The following ICE2 variants were observed in gnomAD, a reference collection of about 807,000 sequenced individuals.
The protein encoded by ICE2 is interactor of little elongation complex ELL subunit 2.
A neutral mutation model predicts 105.4 loss-of-function variants in ICE2; 87 were observed. The ratio of observed to expected loss-of-function variants is 0.83; its 90% CI spans 0.69 to 0.99. The LOEUF is 0.99. Among genes scored for constraint, ICE2 ranks in the 50% least tolerant of loss-of-function variants. ICE2 has a pLI of 0.00. For synonymous variants in ICE2, 399 were observed against 392.0 expected, an observed-to-expected ratio of 1.02 and a Z score of -0.21; for missense variants, 1,323 against 1,146.7, an observed-to-expected ratio of 1.15 and a Z score of -2.22.
At chr15:60,427,862 T>C (rs1254895244) in intron 15 of ICE2, among the ~76,000 whole-genome samples, 1 of 152,244 alleles carries the variant, frequency 6.6e-6, no homozygotes, top group Non-Finnish European at 1.5e-5. Context: ...GCAAGGGTTC[T>C]ATAAAGAGAG....
chr15:60,436,935 T>G (rs1396363635), intron 12 of ICE2, among the ~76,000 whole-genome samples: 1 of 152,044 alleles, frequency 6.6e-6, no homozygotes, highest in Admixed American at 6.6e-5. Context: ...AGGTAAAAAT[T>G]AGATTATGAA....
intron 2 of ICE2, 68 bp downstream of exon 2, chr15:60,477,869 T>C: frequency 1.5e-6 from 2 of 1,344,794 alleles, no homozygotes; most frequent in East Asian, 4.6e-5. Context: ...CAGAAATCTA[T>C]TTTCTTATGT....
intron 3 of ICE2, 58 bp from the exon 4 acceptor site, chr15:60,468,380 G>A (rs1163516114): frequency 1.5e-6 from 2 of 1,301,706 alleles, no homozygotes; most frequent in East Asian, 2.3e-5. Flanking sequence ...TTACTATCAT[G>A]GAACTTCATG....
Position 60,442,212 on chromosome 15 carries a change from G to A in ICE2, c.2425+204C>T, listed in dbSNP as rs185374846. ...GAAGGCTGCAGTGGGAGGATCACTT[G>A]AGGCCAGGAGTTTGAGGTTACAGTG... On this transcript the variant is annotated intron_variant, in intron 12 of 15. Transcript: ENST00000261520. The A allele has an allele frequency of 8.6e-4, 376 of 435,788 alleles. 3 individuals carry two copies. In the Admixed American group the frequency reaches 0.01, roughly 12 times the overall value. The allele number at this position is 435,788 out of a possible 1,614,324, so 27.0% of individuals were successfully genotyped here. A position where few individuals can be genotyped will look rare whatever the true frequency, so the allele number is the denominator to read the frequency against.
intron 3 of ICE2, among the ~76,000 whole-genome samples, chr15:60,469,624 A>G (rs2064532961): frequency 6.6e-6 from 1 of 152,192 alleles, no homozygotes; most frequent in African/African-American, 2.4e-5. Flanking sequence ...TTCAAAGATC[A>G]AGTATAACTA....
At position 60,423,782 on chromosome 15, in the gene ICE2, A is replaced by G; in HGVS notation, c.2821-20T>C. On this transcript the variant is annotated intron_variant, in intron 15 of 15. Transcript: ENST00000261520. The stretch of plus-strand genomic sequence containing the variant: ...ACCAATCTAAGAGATGAAGCAGAGA[A>G]CAGAATAGCTTAATGTATCTACAAC... 1 of 1,560,596 alleles carries G rather than the reference A, an allele frequency of 6.4e-7. No homozygotes were observed. The highest frequency in any genetic ancestry group is 1.2e-5 in the South Asian group (1 of 80,536).
At chr15:60,424,417 A>T (rs2063295183) in intron 15 of ICE2, among the ~76,000 whole-genome samples, 2 of 151,480 alleles carry the variant, frequency 1.3e-5, no homozygotes, top group South Asian at 4.2e-4. Context: ...GGGAATACAG[A>T]GGATGGGGGA....
rs972287356 is a variant in ICE2, at chr15:60,428,634, A to G, written c.2615T>C (p.Leu872Pro). The G allele has an allele frequency of 6.2e-7, 1 of 1,614,162 alleles. No homozygotes were observed. The highest frequency in any genetic ancestry group is 8.5e-7 in the Non-Finnish European group (1 of 1,180,000). Reference sequence around the variant, plus strand: ...TTTTCCATCAGAGGCCTTATAAATCAGGAGTGAAGAATCTTCTGCTGCATG... The same window carrying G: ...TTTTCCATCAGAGGCCTTATAAATCGGGAGTGAAGAATCTTCTGCTGCATG... Reference protein sequence around the residue: ...LSHAAEDSSLLIYKASDGKVT... With the variant: ...LSHAAEDSSLPIYKASDGKVT... Residue 872 changes from leucine to proline, a missense_variant, in exon 15 of 16, where the codon CTG (leucine) becomes CCG (proline). Coordinates refer to ENST00000261520, the MANE Select transcript of ICE2 (RefSeq NM_024611.6).
intron 2 of ICE2, 101 bp from the exon 3 acceptor site, chr15:60,476,268 TACCCCCCC>T: frequency 1.4e-6 from 1 of 690,574 alleles, no homozygotes; most frequent in Non-Finnish European, 2.5e-6. Context: ...CATACCTTCT[TACCCCCCC>T]ATCCCCAGAC....
intron 13 of ICE2, among the ~76,000 whole-genome samples, chr15:60,433,915 G>C (rs1041680442): frequency 6.6e-6 from 1 of 152,148 alleles, no homozygotes; most frequent in Non-Finnish European, 1.5e-5. Flanking sequence ...AAGAGAAGCA[G>C]TCCTTGTAAC....
rs781411632 is a variant in ICE2 at position 60,436,216 on chromosome 15, C to T, written c.2437G>A (p.Ala813Thr). Residue 813 changes from alanine (A) to threonine (T), a missense_variant, in exon 13 of 16, where the codon GCA becomes ACA. Ala to Thr is a moderately conservative substitution (Grantham distance 58). Coordinates refer to ENST00000261520, the MANE Select transcript of ICE2 (RefSeq NM_024611.6). ...NSSFYVGHID[A>T]FTSKLFLLEE... is the part of the protein sequence containing the mutation. The stretch of plus-strand genomic sequence containing the variant: ...AGTAGAAAAAGTTTTGAAGTAAATG[C>T]ATCGATATGCCCTAAAATAAAATAT... 2 of 1,348,998 alleles carry T rather than the reference C, an allele frequency of 1.5e-6. No individual in the cohort carries two copies. The highest frequency in any genetic ancestry group is 2.0e-6 in the Non-Finnish European group (2 of 991,810). 83.6% of individuals were successfully genotyped at this position (1,348,998 alleles called of 1,614,324 possible). A position where few individuals can be genotyped will look rare whatever the true frequency, so the allele number is the denominator to read the frequency against.
rs573180325 is a variant in ICE2, at chr15:60,448,045, C to T, written c.2220G>A (p.Leu740=). 1 of 1,613,884 alleles carries T rather than the reference C, an allele frequency of 6.2e-7. No individual in the cohort carries two copies. Among genetic ancestry groups the T allele is most frequent in the South Asian group, 1.1e-5 (1 of 91,084 alleles). Residue 740 remains leucine (L), a synonymous_variant, in exon 11 of 16, where the codon CTG becomes CTA. Transcript: ENST00000261520. ...FVYKLFSLQD[L]LLLVRCSVQR... ...GGACACTGCAGCGTACGAGTAACAA[C>T]AGGTCTTGCAGGCTAAATAACTTAT...
intron 2 of ICE2, among the ~76,000 whole-genome samples, chr15:60,477,019 A>C (rs2064780962): frequency 2.0e-5 from 3 of 152,212 alleles, no homozygotes; most frequent in African/African-American, 7.2e-5. Flanking sequence ...TCAAATGGTA[A>C]CTTCTGGGTG....
intron 12 of ICE2, chr15:60,439,547 A>C (rs2141027105): frequency 1.3e-5 from 2 of 152,112 alleles, no homozygotes; most frequent in Middle Eastern, 3.4e-3. Flanking sequence ...CTGCCCAGCT[A>C]ATTTTTTACA....
At chr15:60,478,913 T>C in intron 1 of ICE2, 90 bp downstream of exon 1, 1 of 454,588 alleles carries the variant, frequency 2.2e-6, no homozygotes, top group Non-Finnish European at 4.4e-6. Context: ...GCCGCCATGT[T>C]CCCTCCTCCC....
Position 60,436,228 on chromosome 15 carries a change from CTAAAA to C in ICE2, c.2426-6_2426-2del, listed in dbSNP as rs2063583634. 4 of 1,252,538 alleles carry C rather than the reference CTAAAA, an allele frequency of 3.2e-6. No individual in the cohort carries two copies. Among genetic ancestry groups the C allele is most frequent in the African/African-American group, 1.6e-5 (1 of 63,326 alleles). 77.6% of individuals were successfully genotyped at this position (1,252,538 alleles called of 1,614,324 possible). ...TTTGAAGTAAATGCATCGATATGCC[CTAAAA>C]TAAAATATCAAACTTAGAAAGAAGA... On this transcript the variant is annotated splice_acceptor_variant and splice_polypyrimidine_tract_variant and intron_variant, in intron 12 of 15. Coordinates refer to ENST00000261520, the MANE Select transcript of ICE2 (RefSeq NM_024611.6). LOFTEE classifies it high-confidence loss of function.
At chr15:60,452,424 A>C in intron 9 of ICE2, 1 of 230,770 alleles carries the variant, frequency 4.3e-6, no homozygotes, top group Non-Finnish European at 7.1e-6. Flanking sequence ...CCCCTTCCCC[A>C]CCCATCTCTC....
intron 3 of ICE2, among the ~76,000 whole-genome samples, chr15:60,468,767 A>G (rs760047514): frequency 2.8e-4 from 42 of 152,254 alleles, no homozygotes; most frequent in Non-Finnish European, 4.3e-4. Context: ...TGAGATTAAC[A>G]AAATTCACTG....
chr15:60,460,223 G>A (rs2064236614), intron 5 of ICE2, among the ~76,000 whole-genome samples: 1 of 152,226 alleles, frequency 6.6e-6, no homozygotes. Context: ...GCTGGGTGCG[G>A]TGGCTCACAC....
Sources: allele counts gnomAD v4.1 joint callset (sites outside exome capture counted in the v4.1 genomes callset), GRCh38; gene constraint gnomAD v4.1.1; transcripts MANE v1.5; gene names NCBI Gene and HGNC (gene_info 2026-07-23, HGNC 2026-07-21).